The following SFMBT2 variants were observed in gnomAD, a reference collection of about 807,000 sequenced individuals.
The protein encoded by SFMBT2 is Scm like with four mbt domains 2, also known as scm-like with four MBT domains protein 2.
SFMBT2 carries 38 observed loss-of-function variants against 110.1 expected under a neutral mutation model. The observed-to-expected ratio is 0.35, with a 90% CI of 0.27 to 0.45. SFMBT2 has a LOEUF of 0.45. Ranked by LOEUF, SFMBT2 falls within the 20% of genes least tolerant of loss-of-function variation. The pLI is 1.00. For missense variants in SFMBT2, 1,011 were observed against 1,094.9 expected (o/e 0.92, Z 1.08); for synonymous variants, 425 against 425.4 (o/e 1.00, Z 0.01).
chr10:7,275,716 G>A (rs1297295244), intron 7 of SFMBT2, among the ~76,000 whole-genome samples: 4 of 152,150 alleles, frequency 2.6e-5, no homozygotes, highest in Admixed American at 6.5e-5. Flanking sequence ...TAAGTTAAGG[G>A]GGAGATCTTA....
rs950238366 is a variant in SFMBT2, at chr10:7,161,794, A to T, written c.*1976T>A. On this transcript the variant is annotated 3_prime_UTR_variant, in exon 21 of 21. Coordinates refer to ENST00000397167, the MANE Select transcript of SFMBT2 (RefSeq NM_001387889.1). ...AATGTTAAGAAGGGTGAGCTTGAGC[A>T]ATCAAAGTTTCCAAAATCCCACTGA... 6.6e-6 allele frequency: 1 copy of T among 152,226 alleles called. No individual in the cohort carries two copies. Among genetic ancestry groups the T allele is most frequent in the Non-Finnish European group, 1.5e-5 (1 of 68,052 alleles). 9.4% of individuals were successfully genotyped at this position (152,226 alleles called of 1,614,324 possible). A position where few individuals can be genotyped will look rare whatever the true frequency, so the allele number is the denominator to read the frequency against.
chr10:7,327,476 T>G (rs1843423762), intron 4 of SFMBT2, among the ~76,000 whole-genome samples: 2 of 151,696 alleles, frequency 1.3e-5, no homozygotes, highest in Admixed American at 1.3e-4. Flanking sequence ...AGGTCAGGAG[T>G]TCAAGGCCAG....
In SFMBT2 at chr10:7,334,065, C is replaced by T. The variant is rs115467213; in HGVS notation, c.436+33584G>A. Among the ~76,000 whole-genome samples the T allele has an allele frequency of 7.1e-3, 1,087 of 152,284 alleles. 16 individuals are homozygous for T. The highest frequency in any genetic ancestry group is 0.025 in the African/African-American group (1,031 of 41,548). ...AGACACACACACCGGATGTGCTACG[C>T]GACGGCTCTTCCCCTGCCTCCGACA... On this transcript the variant is annotated intron_variant, in intron 4 of 20. Transcript: ENST00000397167.
At chr10:7,204,194 T>G in intron 12 of SFMBT2, 1 of 310,036 alleles carries the variant, frequency 3.2e-6, no homozygotes, top group Non-Finnish European at 4.7e-6. Context: ...TCCAGCTGTC[T>G]CTAATCTGAA....
At chr10:7,294,217 A>AG (rs1341459852) in intron 4 of SFMBT2, among the ~76,000 whole-genome samples, 35 of 152,328 alleles carry the variant, frequency 2.3e-4, no homozygotes. Flanking sequence ...ACAAAATGGA[A>AG]GGATCCTTCC....
rs1048951964 is a variant in SFMBT2, at chr10:7,170,286, G to A, written c.2544+642C>T. On this transcript the variant is annotated intron_variant, in intron 20 of 20. Coordinates refer to ENST00000397167, the MANE Select transcript of SFMBT2 (RefSeq NM_001387889.1). This position sits in a 1 kb window ranked among gnomAD's most constrained non-coding sequence, Gnocchi z 4.6. ...AGCTGCAACCCAGATTTGCCAAAAG[G>A]CACTGACAGGAGGCTCAACCAAAAC... Among the ~76,000 whole-genome samples, 2 of 152,218 alleles carry A rather than the reference G, an allele frequency of 1.3e-5. No homozygotes were observed. Among genetic ancestry groups the A allele is most frequent in the Admixed American group, 6.5e-5 (1 of 15,288 alleles).
chr10:7,267,711 G>C (rs979826097), intron 7 of SFMBT2, among the ~76,000 whole-genome samples: 12 of 152,174 alleles, frequency 7.9e-5, no homozygotes, highest in African/African-American at 2.7e-4. Flanking sequence ...GCAAATCTCT[G>C]AGTAGCTCAT....
chr10:7,351,439 G>C (rs1380125005), intron 4 of SFMBT2, among the ~76,000 whole-genome samples: 1 of 152,236 alleles, frequency 6.6e-6, no homozygotes, highest in Middle Eastern at 3.4e-3. Flanking sequence ...TGCACAAAAC[G>C]ATCCTGTAAG....
intron 4 of SFMBT2, among the ~76,000 whole-genome samples, chr10:7,338,354 A>C (rs1025551840): frequency 1.1e-4 from 17 of 152,258 alleles, no homozygotes; most frequent in African/African-American, 4.1e-4. Context: ...AAATATCTGC[A>C]TATAAATTTT....
intron 7 of SFMBT2, among the ~76,000 whole-genome samples, chr10:7,263,025 G>T (rs1034332065): frequency 2.0e-5 from 3 of 152,134 alleles, no homozygotes; most frequent in African/African-American, 7.2e-5. Flanking sequence ...AGTCTGTAAA[G>T]AAACGGGAAT....
intron 20 of SFMBT2, among the ~76,000 whole-genome samples, chr10:7,168,280 G>A (rs1837758029): frequency 6.6e-6 from 1 of 152,224 alleles, no homozygotes; most frequent in South Asian, 2.1e-4. Flanking sequence ...CTTGTACACA[G>A]TGTAGACAGA....
At chr10:7,194,314 G>A (rs1298232582) in intron 15 of SFMBT2, among the ~76,000 whole-genome samples, 2 of 152,162 alleles carry the variant, frequency 1.3e-5, no homozygotes, top group Non-Finnish European at 2.9e-5. Flanking sequence ...CATCAAGTGA[G>A]TAGAGCCATG....
intron 5 of SFMBT2, chr10:7,284,528 A>G (rs1455561842): frequency 3.8e-6 from 2 of 528,710 alleles, no homozygotes; most frequent in South Asian, 6.4e-5. Flanking sequence ...CAAACGGTCT[A>G]CTTTTCCAAC....
intron 3 of SFMBT2, 88 bp downstream of exon 3, chr10:7,370,193 T>A (rs747810415): frequency 9.3e-5 from 111 of 1,192,236 alleles, no homozygotes; most frequent in Admixed American, 1.8e-4. Flanking sequence ...CCTCTGCCCT[T>A]CTTCCATTGA....
In SFMBT2 at chr10:7,367,719, G is replaced by T; in HGVS notation, c.366C>A (p.Asp122Glu). ...GEDRRADFWC[D>E]VVIADLHPVG... ...CGGGGTGCAAATCCGCGATGACTACGTCACACCAGAAGTCGGCCCTGCGGT... is the reference window on the plus strand; with the variant it reads ...CGGGGTGCAAATCCGCGATGACTACTTCACACCAGAAGTCGGCCCTGCGGT... The change falls in exon 4 of 21, where the codon GAC (aspartate) becomes GAA (glutamate). Residue 122 changes from aspartate to glutamate, a missense_variant. This residue lies in a region of SFMBT2 where 979 missense variants were observed against 1,016.1 expected (regional missense o/e 0.96). Coordinates refer to ENST00000397167, the MANE Select transcript of SFMBT2 (RefSeq NM_001387889.1). The surrounding 1 kb of genome is among the most constrained non-coding windows in gnomAD (Gnocchi z 6.2). 2 of 1,614,038 alleles carry T rather than the reference G, an allele frequency of 1.2e-6. No individual in the cohort carries two copies. Among genetic ancestry groups the T allele is most frequent in the Non-Finnish European group, 1.7e-6 (2 of 1,180,040 alleles).
At chr10:7,208,131 G>A (rs1839210452) in intron 11 of SFMBT2, among the ~76,000 whole-genome samples, 1 of 152,096 alleles carries the variant, frequency 6.6e-6, no homozygotes, top group South Asian at 2.1e-4. Flanking sequence ...GTTCAAAACA[G>A]ACAAAACGTA....
At chr10:7,322,037 G>A (rs1190596054) in intron 4 of SFMBT2, among the ~76,000 whole-genome samples, 1 of 152,046 alleles carries the variant, frequency 6.6e-6, no homozygotes, top group Non-Finnish European at 1.5e-5. Flanking sequence ...TCACATCACG[G>A]TACATGATAT....
chr10:7,168,722 T>C (rs139056809), intron 20 of SFMBT2, among the ~76,000 whole-genome samples: 4 of 152,368 alleles, frequency 2.6e-5, no homozygotes, highest in African/African-American at 9.6e-5. Context: ...TAATTTTGTT[T>C]TCAAAATGGA....
At chr10:7,397,375 GT>G (rs769905784) in intron 1 of SFMBT2, among the ~76,000 whole-genome samples, 131 of 141,986 alleles carry the variant, frequency 9.2e-4, no homozygotes, top group Non-Finnish European at 1.1e-3. Context: ...TTGTTTTTTT[GT>G]TTTTTTTTTT....
Sources: allele counts gnomAD v4.1 joint callset (sites outside exome capture counted in the v4.1 genomes callset), GRCh38; gene constraint gnomAD v4.1.1; regional missense constraint gnomAD v4.1.1; non-coding constraint Gnocchi (gnomAD v3.1); transcripts MANE v1.5; gene names NCBI Gene and HGNC (gene_info 2026-07-23, HGNC 2026-07-21).